Variants in CRPPA observed in about 807,000 individuals in gnomAD.
CRPPA encodes the protein D-ribitol-5-phosphate cytidylyltransferase.
CRPPA carries 43 observed loss-of-function variants against 52.0 expected under a neutral mutation model. The observed-to-expected ratio is 0.83, with a 90% CI of 0.65 to 1.07. CRPPA has a LOEUF of 1.07. Ranked by LOEUF, CRPPA falls within the 50% of genes least tolerant of loss-of-function variation. The pLI is 0.00. For missense variants in CRPPA, 629 were observed against 551.7 expected (o/e 1.14, Z -1.40); for synonymous variants, 250 against 203.5 (o/e 1.23, Z -1.94).
chr7:16,399,181 C>T (rs909327792), intron 2 of CRPPA, among the ~76,000 whole-genome samples: 6 of 152,228 alleles, frequency 3.9e-5, no homozygotes, highest in African/African-American at 7.2e-5. Flanking sequence ...TGACATGACA[C>T]GATTCACACG....
At chr7:16,246,361 A>T (rs1488234401) in intron 8 of CRPPA, among the ~76,000 whole-genome samples, 1 of 152,148 alleles carries the variant, frequency 6.6e-6, no homozygotes, top group African/African-American at 2.4e-5. Flanking sequence ...TATTGCCACC[A>T]CATCAGCAGT....
intron 9 of CRPPA, among the ~76,000 whole-genome samples, chr7:16,114,427 G>A (rs1296378353): frequency 6.6e-6 from 1 of 151,902 alleles, no homozygotes; most frequent in Non-Finnish European, 1.5e-5. Flanking sequence ...TCCTTCTCCT[G>A]TTCTGCCATA....
At chr7:16,167,642 C>A (rs1158719764) in intron 9 of CRPPA, among the ~76,000 whole-genome samples, 1 of 152,110 alleles carries the variant, frequency 6.6e-6, no homozygotes, top group Non-Finnish European at 1.5e-5. Flanking sequence ...TATTTAGGCA[C>A]ACAAGTCAAT....
chr7:16,322,097 C>A (rs1194590467), intron 3 of CRPPA, among the ~76,000 whole-genome samples: 1 of 152,050 alleles, frequency 6.6e-6, no homozygotes, highest in Non-Finnish European at 1.5e-5. Context: ...GATTTTAAGT[C>A]ACTCAATTTT....
intron 9 of CRPPA, among the ~76,000 whole-genome samples, chr7:16,145,906 A>C (rs1007640028): frequency 6.6e-6 from 1 of 152,180 alleles, no homozygotes; most frequent in African/African-American, 2.4e-5. Flanking sequence ...GCTTTTTCAA[A>C]GAAATAATGA....
At chr7:16,211,946 T>C (rs1160638520) in intron 9 of CRPPA, among the ~76,000 whole-genome samples, 4 of 152,214 alleles carry the variant, frequency 2.6e-5, no homozygotes, top group East Asian at 1.9e-4. Context: ...ACAAGACCAA[T>C]ACATACAGCT....
chr7:16,096,660 T>C (rs915891340), intron 9 of CRPPA, among the ~76,000 whole-genome samples: 1 of 152,280 alleles, frequency 6.6e-6, no homozygotes, highest in African/African-American at 2.4e-5. Flanking sequence ...TTGCCCAGGT[T>C]GATCTCAAAC....
At chr7:16,317,463 T>C (rs1785166615) in intron 3 of CRPPA, among the ~76,000 whole-genome samples, 1 of 152,198 alleles carries the variant, frequency 6.6e-6, no homozygotes, top group Non-Finnish European at 1.5e-5. Context: ...CATTCTACTT[T>C]CTCTGCAGGG....
At chr7:16,253,015 C>T (rs1399466070) in intron 8 of CRPPA, among the ~76,000 whole-genome samples, 1 of 152,024 alleles carries the variant, frequency 6.6e-6, no homozygotes, top group East Asian at 1.9e-4. Context: ...ATTAGTCTTG[C>T]TAGTGGTCTA....
intron 3 of CRPPA, among the ~76,000 whole-genome samples, chr7:16,353,080 G>C (rs1786199568): frequency 6.6e-6 from 1 of 152,146 alleles, no homozygotes; most frequent in South Asian, 2.1e-4. Context: ...AGTTGGCCAG[G>C]CGTGGTGGCT....
At chr7:16,148,149 A>C (rs1044010733) in intron 9 of CRPPA, among the ~76,000 whole-genome samples, 2 of 152,192 alleles carry the variant, frequency 1.3e-5, no homozygotes, top group Non-Finnish European at 2.9e-5. Flanking sequence ...ATATAAACAA[A>C]CATGTATACA....
At chr7:16,221,764 T>A (rs1368526452) in intron 8 of CRPPA, among the ~76,000 whole-genome samples, 3 of 151,688 alleles carry the variant, frequency 2.0e-5, no homozygotes, top group Non-Finnish European at 4.4e-5. Context: ...TCACACCAGT[T>A]AGAATGGCGA....
chr7:16,380,770 A>G (rs1244619529), intron 2 of CRPPA, among the ~76,000 whole-genome samples: 1 of 151,974 alleles, frequency 6.6e-6, no homozygotes, highest in Non-Finnish European at 1.5e-5. Context: ...TTTCTAGTTT[A>G]TTTTCCTAGA....
intron 3 of CRPPA, among the ~76,000 whole-genome samples, chr7:16,370,593 G>A (rs1185512180): frequency 1.3e-5 from 2 of 152,170 alleles, no homozygotes; most frequent in African/African-American, 4.8e-5. Context: ...GAAACACCCT[G>A]TGGGACAAGA....
intron 9 of CRPPA, among the ~76,000 whole-genome samples, chr7:16,147,703 G>GTC (rs1213845614): frequency 1.3e-5 from 2 of 152,114 alleles, no homozygotes; most frequent in African/African-American, 4.8e-5. Context: ...CTATCACAAG[G>GTC]TCTTGGCACA....
chr7:16,125,742 T>C (rs1782566315), intron 9 of CRPPA, among the ~76,000 whole-genome samples: 1 of 152,180 alleles, frequency 6.6e-6, no homozygotes, highest in Non-Finnish European at 1.5e-5. Flanking sequence ...AAAAGGCCAG[T>C]ATTTTATTGT....
At chr7:16,294,665 C>T (rs147992589) in intron 5 of CRPPA, among the ~76,000 whole-genome samples, 35 of 151,952 alleles carry the variant, frequency 2.3e-4, no homozygotes, top group African/African-American at 6.5e-4. Flanking sequence ...TCTGAAAATT[C>T]GGAAAATTAA....
At chr7:16,138,577 T>C (rs1328459375) in intron 9 of CRPPA, among the ~76,000 whole-genome samples, 1 of 152,184 alleles carries the variant, frequency 6.6e-6, no homozygotes, top group Non-Finnish European at 1.5e-5. Context: ...TGCAATCCTA[T>C]ACAAGCTCCA....
intron 9 of CRPPA, among the ~76,000 whole-genome samples, chr7:16,172,496 A>C (rs1781209931): frequency 6.6e-6 from 1 of 152,218 alleles, no homozygotes; most frequent in African/African-American, 2.4e-5. Context: ...TGAAGAGACA[A>C]CATTTGGTTA....
Sources: gnomAD v4.1 joint callset for allele counts (sites outside exome capture counted in the v4.1 genomes callset) on GRCh38, gnomAD v4.1.1 for gene constraint, MANE v1.5 for transcripts, NCBI Gene and HGNC (gene_info 2026-07-23, HGNC 2026-07-21) for gene names.